The following MAPK10 variants were observed in gnomAD, a reference collection of about 807,000 sequenced individuals.
MAPK10 encodes the protein JNK3 alpha protein kinase.
Under a neutral mutation model 59.3 loss-of-function variants are expected in MAPK10, and 25 were observed. The ratio of observed to expected loss-of-function variants is 0.42; its 90% confidence interval spans 0.31 to 0.59. The LOEUF is 0.59. Among genes scored for constraint, MAPK10 ranks in the 20% least tolerant of loss-of-function variants. The pLI, the probability that MAPK10 is intolerant of heterozygous loss-of-function variation, is 0.15. For missense variants in MAPK10, 351 were observed against 568.9 expected (o/e 0.62, Z 3.90); for synonymous variants, 190 against 200.5 (o/e 0.95, Z 0.44).
intron 1 of MAPK10, among the ~76,000 whole-genome samples, chr4:86,557,323 A>G (rs974701540): frequency 3.3e-5 from 5 of 152,106 alleles, no homozygotes; most frequent in African/African-American, 1.2e-4. Flanking sequence ...ATGTTATTAT[A>G]GAGTACTTTT....
chr4:86,475,020 T>C (rs1024217263), intron 1 of MAPK10, among the ~76,000 whole-genome samples: 5 of 152,172 alleles, frequency 3.3e-5, no homozygotes, highest in Non-Finnish European at 7.3e-5. Flanking sequence ...ACTGAGCACC[T>C]TGTGACCCCC....
chr4:86,494,588 G>A (rs1475130148), intron 1 of MAPK10, among the ~76,000 whole-genome samples: 1 of 152,040 alleles, frequency 6.6e-6, no homozygotes, highest in Non-Finnish European at 1.5e-5. Context: ...GCTCACACCC[G>A]TAATCCCAGC....
chr4:86,502,151 T>C (rs1289532042), intron 1 of MAPK10, among the ~76,000 whole-genome samples: 1 of 152,030 alleles, frequency 6.6e-6, no homozygotes, highest in Admixed American at 6.6e-5. Context: ...CGGCTACTTT[T>C]TGATCTCCAT....
chr4:86,168,809 C>T (rs1034191758), intron 3 of MAPK10, among the ~76,000 whole-genome samples: 11 of 152,072 alleles, frequency 7.2e-5, no homozygotes, highest in African/African-American at 2.7e-4. Flanking sequence ...CTGGGAGGCA[C>T]CCCCCAGTAG....
At chr4:86,288,065 T>C (rs919555656) in intron 2 of MAPK10, among the ~76,000 whole-genome samples, 4 of 152,196 alleles carry the variant, frequency 2.6e-5, no homozygotes, top group African/African-American at 4.8e-5. Context: ...ACGCTAGTTC[T>C]GACTTCGTTA....
chr4:86,586,475 G>A (rs112030247), intron 1 of MAPK10, among the ~76,000 whole-genome samples: 9 of 152,248 alleles, frequency 5.9e-5, no homozygotes, highest in African/African-American at 1.9e-4. Flanking sequence ...TGAATTTGCA[G>A]CTCCAGTATC....
At chr4:86,071,697 G>T (rs1328368222) in intron 9 of MAPK10, among the ~76,000 whole-genome samples, 2 of 151,412 alleles carry the variant, frequency 1.3e-5, no homozygotes, top group Non-Finnish European at 3.0e-5. Context: ...AGATCAGATA[G>T]TTGTAGGTAT....
At chr4:86,403,650 A>G (rs1743996835) in intron 1 of MAPK10, among the ~76,000 whole-genome samples, 1 of 152,188 alleles carries the variant, frequency 6.6e-6, no homozygotes, top group Non-Finnish European at 1.5e-5. Context: ...CAGAAGACAA[A>G]GGGGGAGCAA....
intron 1 of MAPK10, among the ~76,000 whole-genome samples, chr4:86,487,501 G>A (rs2149073757): frequency 6.6e-6 from 1 of 152,130 alleles, no homozygotes; most frequent in South Asian, 2.1e-4. Flanking sequence ...AGGCCGAGGT[G>A]AGTGGATCAC....
intron 11 of MAPK10, among the ~76,000 whole-genome samples, chr4:86,062,945 T>G (rs1221495097): frequency 6.6e-6 from 1 of 152,190 alleles, no homozygotes; most frequent in Non-Finnish European, 1.5e-5. Flanking sequence ...TGTAGGGATA[T>G]TATTTGGTAA....
intron 1 of MAPK10, among the ~76,000 whole-genome samples, chr4:86,489,745 G>A (rs1754312881): frequency 2.6e-5 from 4 of 152,112 alleles, no homozygotes; most frequent in African/African-American, 9.7e-5. Flanking sequence ...AGAAGTCACT[G>A]CTCTAACTCC....
At chr4:86,149,036 AC>A (rs2065712668) in intron 4 of MAPK10, among the ~76,000 whole-genome samples, 1 of 152,170 alleles carries the variant, frequency 6.6e-6, no homozygotes, top group Non-Finnish European at 1.5e-5. Flanking sequence ...TTAACATTCA[AC>A]CACCAGCCAA....
chr4:86,236,101 A>ACT (rs146155368), intron 2 of MAPK10, among the ~76,000 whole-genome samples: 3 of 150,354 alleles, frequency 2.0e-5, no homozygotes, highest in Admixed American at 1.3e-4. Context: ...TCTGCAACAC[A>ACT]CTCTCTCTCT....
At chr4:86,542,170 A>G (rs1758758680) in intron 1 of MAPK10, among the ~76,000 whole-genome samples, 1 of 152,176 alleles carries the variant, frequency 6.6e-6, no homozygotes, top group African/African-American at 2.4e-5. Flanking sequence ...GAAAAATAAC[A>G]TTAAGAAGCC....
At chr4:86,183,582 T>C (rs910190304) in intron 3 of MAPK10, among the ~76,000 whole-genome samples, 15 of 152,226 alleles carry the variant, frequency 9.9e-5, no homozygotes, top group South Asian at 4.1e-4. Flanking sequence ...CTATTGTGAA[T>C]AGTGCCGCAA....
intron 2 of MAPK10, among the ~76,000 whole-genome samples, chr4:86,199,599 C>A (rs80233441): frequency 0.085 from 12,923 of 151,938 alleles, 1,219 homozygotes; most frequent in African/African-American, 0.23. Context: ...AAGGGGCGTG[C>A]AGGGAGCTTC....
At chr4:86,550,589 C>A (rs1759699451) in intron 1 of MAPK10, among the ~76,000 whole-genome samples, 2 of 151,970 alleles carry the variant, frequency 1.3e-5, no homozygotes, top group Non-Finnish European at 2.9e-5. Context: ...ATCCCAGCTA[C>A]TCGGGAGGGA....
chr4:86,374,872 C>T (rs996062769), intron 1 of MAPK10, among the ~76,000 whole-genome samples: 23 of 152,166 alleles, frequency 1.5e-4, no homozygotes, highest in Non-Finnish European at 3.2e-4. Flanking sequence ...TGATTGAAGA[C>T]GTCATCTATA....
At chr4:86,225,254 T>G (rs1429877148) in intron 2 of MAPK10, among the ~76,000 whole-genome samples, 1 of 152,164 alleles carries the variant, frequency 6.6e-6, no homozygotes, top group Non-Finnish European at 1.5e-5. Flanking sequence ...CTGTTTGTAT[T>G]AACAATGTGG....
Sources: allele counts gnomAD v4.1 joint callset (sites outside exome capture counted in the v4.1 genomes callset), GRCh38; gene constraint gnomAD v4.1.1; transcripts MANE v1.5; gene names NCBI Gene and HGNC (gene_info 2026-07-23, HGNC 2026-07-21).